The following GAS7 variants were observed in gnomAD, a reference collection of about 807,000 sequenced individuals.
GAS7 encodes growth arrest-specific protein 7.
GAS7 carries 28 observed loss-of-function variants against 71.1 expected under a neutral mutation model. The ratio of observed to expected loss-of-function variants is 0.39; its 90% confidence interval spans 0.29 to 0.54. The LOEUF (loss-of-function observed/expected upper bound fraction) is 0.54, where lower values mean the gene tolerates loss of function less well. GAS7 is among the 20% of genes least tolerant of loss of function. The probability of loss-of-function intolerance (pLI) is 0.62; values close to 1 mark genes in which losing one functional copy is unlikely to be tolerated. For missense variants in GAS7, 436 were observed against 627.8 expected, an observed-to-expected ratio of 0.69 and a Z score of 3.27; for synonymous variants, 258 against 245.8, an observed-to-expected ratio of 1.05 and a Z score of -0.46.
At chr17:10,069,112 C>T (rs183964169) in intron 1 of GAS7, among the ~76,000 whole-genome samples, 1 of 152,288 alleles carries the variant, frequency 6.6e-6, no homozygotes, top group East Asian at 1.9e-4. Flanking sequence ...AGAACAGCCA[C>T]CCTTACTATT....
intron 4 of GAS7, among the ~76,000 whole-genome samples, chr17:9,966,515 T>C (rs1305209342): frequency 1.3e-5 from 2 of 152,208 alleles, no homozygotes; most frequent in African/African-American, 4.8e-5. Context: ...AGTGTAGTTA[T>C]CATGAGTGAT....
At chr17:9,994,541 TA>T (rs2070963958) in intron 2 of GAS7, among the ~76,000 whole-genome samples, 1 of 146,684 alleles carries the variant, frequency 6.8e-6, no homozygotes. Flanking sequence ...CAAGATGGAT[TA>T]AAGACTTAAA....
chr17:10,024,051 G>A (rs980669361), intron 1 of GAS7, among the ~76,000 whole-genome samples: 5 of 152,178 alleles, frequency 3.3e-5, no homozygotes, highest in Admixed American at 3.3e-4. Flanking sequence ...TTGAACCTGG[G>A]AGGCGGAGGT....
At chr17:10,113,575 G>C (rs563765375) in intron 1 of GAS7, among the ~76,000 whole-genome samples, 8 of 152,200 alleles carry the variant, frequency 5.3e-5, no homozygotes, top group Admixed American at 3.3e-4. Flanking sequence ...AGTATAGAGG[G>C]GATACCTGTG....
At chr17:10,083,249 C>T (rs116358190) in intron 1 of GAS7, among the ~76,000 whole-genome samples, 2,170 of 152,290 alleles carry the variant, frequency 0.014, 40 homozygotes, top group African/African-American at 0.05. Context: ...GACTTTAGGC[C>T]AGGTGTGATG....
At chr17:9,958,736 C>A (rs1350367926) in intron 5 of GAS7, among the ~76,000 whole-genome samples, 1 of 152,196 alleles carries the variant, frequency 6.6e-6, no homozygotes, top group Non-Finnish European at 1.5e-5. Context: ...CCACTCTAGG[C>A]AGAAGCTGCC....
intron 1 of GAS7, among the ~76,000 whole-genome samples, chr17:10,146,293 A>C (rs2074120408): frequency 6.6e-6 from 1 of 152,210 alleles, no homozygotes; most frequent in Admixed American, 6.5e-5. Context: ...CCAGTCCATC[A>C]AACCCACCTT....
intron 1 of GAS7, among the ~76,000 whole-genome samples, chr17:10,119,294 A>T (rs2073887051): frequency 6.6e-6 from 1 of 152,236 alleles, no homozygotes. Context: ...CTTGCTAAAG[A>T]TCTTTCTAGC....
At chr17:9,951,874 T>C (rs2069032619) in intron 5 of GAS7, among the ~76,000 whole-genome samples, 2 of 151,702 alleles carry the variant, frequency 1.3e-5, no homozygotes, top group Admixed American at 1.3e-4. Flanking sequence ...GCCAGTCTTG[T>C]TCCCCCCAGA....
chr17:10,037,655 G>T (rs1226149227), intron 1 of GAS7, among the ~76,000 whole-genome samples: 1 of 146,314 alleles, frequency 6.8e-6, no homozygotes, highest in African/African-American at 2.6e-5. Context: ...CTGGGCAACG[G>T]CTCCAGCTTC....
At chr17:9,937,154 T>G (rs144860689) in intron 8 of GAS7, among the ~76,000 whole-genome samples, 3 of 152,212 alleles carry the variant, frequency 2.0e-5, no homozygotes, top group African/African-American at 7.2e-5. Context: ...TGTGCGTGCA[T>G]GCACACACAG....
chr17:10,135,694 C>T (rs2074032268), intron 1 of GAS7, among the ~76,000 whole-genome samples: 1 of 152,180 alleles, frequency 6.6e-6, no homozygotes, highest in African/African-American at 2.4e-5. Flanking sequence ...TCTGGTACCA[C>T]CTCTGAGCTC....
At chr17:9,992,305 T>G (rs1014414421) in intron 2 of GAS7, among the ~76,000 whole-genome samples, 4 of 152,016 alleles carry the variant, frequency 2.6e-5, no homozygotes. Context: ...GACATGGGTC[T>G]TTGCTACCTA....
chr17:10,026,716 C>T lies in GAS7; in HGVS notation c.184-6819G>A, dbSNP rs968353044. 2.6e-5 allele frequency among the ~76,000 whole-genome samples: 4 copies of T among 152,194 alleles called. No individual in the cohort carries two copies. Among genetic ancestry groups the T allele is most frequent in the South Asian group, 2.1e-4 (1 of 4,834 alleles). On this transcript the variant is annotated intron_variant, in intron 1 of 13. Coordinates refer to ENST00000432992, the MANE Select transcript of GAS7 (RefSeq NM_201433.2). This position sits in a 1 kb window ranked among gnomAD's most constrained non-coding sequence, Gnocchi z 4.5. ...GCTGGAGACTGGCAATTCACTCCCA[C>T]GTCATGCCTTCCTGGTGGACACCTG... is the stretch of plus-strand genomic sequence containing the variant.
chr17:10,122,880 G>C (rs961563888), intron 1 of GAS7, among the ~76,000 whole-genome samples: 2 of 152,052 alleles, frequency 1.3e-5, no homozygotes, highest in Non-Finnish European at 1.5e-5. Flanking sequence ...ACCCAGGTTG[G>C]AGTGCAGTGG....
intron 2 of GAS7, among the ~76,000 whole-genome samples, chr17:9,987,569 G>C (rs529341800): frequency 6.6e-6 from 1 of 152,312 alleles, no homozygotes; most frequent in African/African-American, 2.4e-5. Context: ...ATAGGATCCA[G>C]GAGTTCAAGT....
chr17:10,181,322 T>A (rs1271803104), intron 1 of GAS7, among the ~76,000 whole-genome samples: 1 of 149,190 alleles, frequency 6.7e-6, no homozygotes, highest in Non-Finnish European at 1.5e-5. Flanking sequence ...ATTGAGCCAC[T>A]GCACTCCAGC....
In GAS7 at chr17:9,926,877, T is replaced by A; in HGVS notation, c.886-108A>T. The A allele has an allele frequency of 8.1e-7, 1 of 1,234,108 alleles. No individual in the cohort carries two copies. The highest frequency in any genetic ancestry group is 1.2e-5 in the South Asian group (1 of 80,932). The allele number at this position is 1,234,108 out of a possible 1,614,324, so 76.4% of individuals were successfully genotyped here. A position where few individuals can be genotyped will look rare whatever the true frequency, so the allele number is the denominator to read the frequency against. On this transcript the variant is annotated intron_variant, in intron 9 of 13. Coordinates refer to ENST00000432992, the MANE Select transcript of GAS7 (RefSeq NM_201433.2). The surrounding 1 kb of genome is among the most constrained non-coding windows in gnomAD (Gnocchi z 5.0). ...CCCCACTTCCCCAGGCAAGTGAGGA[T>A]GAGTCTGGGGTAGCGACCTGGCAGG... is the stretch of plus-strand genomic sequence containing the variant.
chr17:10,108,417 G>C (rs796747392), intron 1 of GAS7, among the ~76,000 whole-genome samples: 1 of 152,164 alleles, frequency 6.6e-6, no homozygotes, highest in South Asian at 2.1e-4. Context: ...ACCACACAGG[G>C]TCGTTCTCAG....
Sources: allele counts gnomAD v4.1 joint callset (sites outside exome capture counted in the v4.1 genomes callset), GRCh38; gene constraint gnomAD v4.1.1; non-coding constraint Gnocchi (gnomAD v3.1); transcripts MANE v1.5; gene names NCBI Gene and HGNC (gene_info 2026-07-23, HGNC 2026-07-21).